Variants in ACER3 observed in about 807,000 individuals in gnomAD.
The protein encoded by ACER3 is alkCDase 3.
In ACER3, 16 loss-of-function variants were observed where a neutral mutation model predicts 48.9. The observed-to-expected ratio is 0.33, with a 90% CI of 0.22 to 0.50. ACER3 has a LOEUF of 0.50. Ranked by LOEUF, ACER3 falls within the 20% of genes least tolerant of loss-of-function variation. The probability of loss-of-function intolerance (pLI) is 0.98; values close to 1 mark genes in which losing one functional copy is unlikely to be tolerated. For synonymous variants in ACER3, 109 were observed against 107.8 expected (o/e 1.01, Z -0.07); for missense variants, 227 against 326.0 (o/e 0.70, Z 2.34).
intron 1 of ACER3, among the ~76,000 whole-genome samples, chr11:76,901,144 A>G (rs571684847): frequency 6.6e-6 from 1 of 152,072 alleles, no homozygotes; most frequent in East Asian, 1.9e-4. Flanking sequence ...CATGAGCCTT[A>G]ATGGTCCTTC....
intron 7 of ACER3, among the ~76,000 whole-genome samples, chr11:77,014,076 A>G (rs1949319666): frequency 6.6e-6 from 1 of 152,210 alleles, no homozygotes; most frequent in African/African-American, 2.4e-5. Flanking sequence ...GTATGTACAG[A>G]TGTACTGATC....
At chr11:76,987,795 C>A (rs766197717) in intron 5 of ACER3, among the ~76,000 whole-genome samples, 1 of 152,098 alleles carries the variant, frequency 6.6e-6, no homozygotes, top group Non-Finnish European at 1.5e-5. Context: ...TAAAAATTAG[C>A]TGGATGTGGT....
At chr11:76,940,918 C>G (rs1483514333) in intron 2 of ACER3, among the ~76,000 whole-genome samples, 1 of 151,872 alleles carries the variant, frequency 6.6e-6, no homozygotes, top group African/African-American at 2.4e-5. Context: ...TTTTAAACAC[C>G]TCTAAACATT....
chr11:76,870,523 A>T (rs1195781306), intron 1 of ACER3, among the ~76,000 whole-genome samples: 1 of 152,182 alleles, frequency 6.6e-6, no homozygotes, highest in Non-Finnish European at 1.5e-5. Flanking sequence ...ATGGGTGTAC[A>T]AATATCTCTT....
rs773996840 is a variant in ACER3 at position 76,904,175 on chromosome 11, C to T, written c.104-22382C>T. ...CTGATTTTTGTATTTTTAGTAGAGACGAGGTTTCACCATGTTGGCCAGGCT... is the reference window on the plus strand; with the variant it reads ...CTGATTTTTGTATTTTTAGTAGAGATGAGGTTTCACCATGTTGGCCAGGCT... On this transcript the variant is annotated intron_variant, in intron 1 of 10. Coordinates refer to ENST00000532485, the MANE Select transcript of ACER3 (RefSeq NM_018367.7). Among the ~76,000 whole-genome samples, 32 of 152,040 alleles carry T rather than the reference C, an allele frequency of 2.1e-4. No individual in the cohort carries two copies. The Middle Eastern group carries it at 0.01, about 48-fold the overall frequency.
At chr11:76,968,647 C>T (rs1474081920) in intron 3 of ACER3, among the ~76,000 whole-genome samples, 1 of 152,110 alleles carries the variant, frequency 6.6e-6, no homozygotes, top group Non-Finnish European at 1.5e-5. Context: ...CACATATCTA[C>T]AACTATCTGA....
intron 1 of ACER3, among the ~76,000 whole-genome samples, chr11:76,876,831 G>T (rs1339558909): frequency 6.6e-6 from 1 of 152,094 alleles, no homozygotes; most frequent in Non-Finnish European, 1.5e-5. Flanking sequence ...GCCAAAACAA[G>T]CTATTTACAT....
intron 2 of ACER3, among the ~76,000 whole-genome samples, chr11:76,946,973 AT>A (rs1385376437): frequency 6.6e-6 from 1 of 152,110 alleles, no homozygotes; most frequent in Non-Finnish European, 1.5e-5. Flanking sequence ...GTTTTTCTAC[AT>A]CCAGGACCCT....
At chr11:76,872,767 A>T (rs7106611) in intron 1 of ACER3, among the ~76,000 whole-genome samples, 1 of 151,916 alleles carries the variant, frequency 6.6e-6, no homozygotes, top group Admixed American at 6.5e-5. Context: ...CTTTACAACA[A>T]TGGGCCTCAG....
chr11:76,946,649 G>A lies in ACER3; in HGVS notation c.215-12330G>A, dbSNP rs187319905. ...AGTCTCAACAGTAGCCACAAGCAGGGCAGTAAGGACCCTCCCAGGGGTACA... is the reference window on the plus strand; with the variant it reads ...AGTCTCAACAGTAGCCACAAGCAGGACAGTAAGGACCCTCCCAGGGGTACA... On this transcript the variant is annotated intron_variant, in intron 2 of 10. Coordinates refer to ENST00000532485, the MANE Select transcript of ACER3 (RefSeq NM_018367.7). Among the ~76,000 whole-genome samples the A allele has an allele frequency of 2.2e-4, 33 of 152,314 alleles. No individual in the cohort carries two copies. In the East Asian group the frequency reaches 4.6e-3, roughly 21 times the overall value.
chr11:76,979,281 G>T (rs571237158), intron 4 of ACER3, among the ~76,000 whole-genome samples: 1 of 152,318 alleles, frequency 6.6e-6, no homozygotes, highest in African/African-American at 2.4e-5. Flanking sequence ...GTAATTGAAA[G>T]ATTTTTTTCT....
At chr11:76,971,369 G>A (rs905920253) in intron 3 of ACER3, among the ~76,000 whole-genome samples, 2 of 151,904 alleles carry the variant, frequency 1.3e-5, no homozygotes, top group South Asian at 2.1e-4. Flanking sequence ...GTGAAACCCC[G>A]TCTCCACTAA....
At chr11:77,005,198 G>A (rs897853876) in intron 7 of ACER3, among the ~76,000 whole-genome samples, 2 of 151,882 alleles carry the variant, frequency 1.3e-5, no homozygotes, top group East Asian at 1.9e-4. Flanking sequence ...CACCGCACCC[G>A]GCTAATTTTT....
At chr11:76,935,527 G>A (rs975698364) in intron 2 of ACER3, among the ~76,000 whole-genome samples, 3 of 152,178 alleles carry the variant, frequency 2.0e-5, no homozygotes, top group Non-Finnish European at 4.4e-5. Flanking sequence ...CCGAAAATTA[G>A]ACTGGCATCA....
At position 77,000,275 on chromosome 11, in the gene ACER3, T is replaced by A. The variant is rs191722809; in HGVS notation, c.497+1454T>A. Among the ~76,000 whole-genome samples the A allele has an allele frequency of 2.5e-3, 384 of 152,346 alleles. 1 individual carries two copies. Among genetic ancestry groups the A allele is most frequent in the Admixed American group, 3.9e-3 (60 of 15,310 alleles). On this transcript the variant is annotated intron_variant, in intron 7 of 10. Coordinates refer to ENST00000532485, the MANE Select transcript of ACER3 (RefSeq NM_018367.7). The stretch of plus-strand genomic sequence containing the variant: ...TGTCTTTGCCTGGTTTCTCTTTTTT[T>A]ATAAGAGATAATAAGGACAGTTGCT...
At chr11:77,018,466 A>G (rs1949413908) in intron 9 of ACER3, among the ~76,000 whole-genome samples, 2 of 152,262 alleles carry the variant, frequency 1.3e-5, no homozygotes, top group African/African-American at 2.4e-5. Flanking sequence ...TTCAAGTGAA[A>G]GGAAGAGTTA....
intron 1 of ACER3, among the ~76,000 whole-genome samples, chr11:76,880,506 G>T (rs141625363): frequency 6.6e-6 from 1 of 152,168 alleles, no homozygotes; most frequent in African/African-American, 2.4e-5. Flanking sequence ...CCACAAGACC[G>T]TCCTCCACTT....
intron 1 of ACER3, among the ~76,000 whole-genome samples, chr11:76,876,001 G>A (rs1590867859): frequency 1.3e-5 from 2 of 152,014 alleles, no homozygotes; most frequent in Middle Eastern, 6.8e-3. Flanking sequence ...CACCATATTG[G>A]CCAGGATGGT....
At chr11:76,888,220 GT>G (rs1945719764) in intron 1 of ACER3, among the ~76,000 whole-genome samples, 1 of 152,146 alleles carries the variant, frequency 6.6e-6, no homozygotes, top group Non-Finnish European at 1.5e-5. Context: ...TAAAGCTGTT[GT>G]GTATAATCAA....
Sources: allele counts gnomAD v4.1 joint callset (sites outside exome capture counted in the v4.1 genomes callset), GRCh38; gene constraint gnomAD v4.1.1; transcripts MANE v1.5; gene names NCBI Gene and HGNC (gene_info 2026-07-23, HGNC 2026-07-21).